The following ARFGEF3 variants were observed in gnomAD, a reference collection of about 807,000 sequenced individuals.
ARFGEF3 encodes the protein brefeldin A-inhibited guanine nucleotide-exchange protein 3.
ARFGEF3 carries 96 observed loss-of-function variants against 221.7 expected under a neutral mutation model. That is an observed-to-expected ratio of 0.43 (90% CI 0.37 to 0.51). The LOEUF (loss-of-function observed/expected upper bound fraction) is 0.51. Among genes scored for constraint, ARFGEF3 ranks in the 20% least tolerant of loss-of-function variants. The pLI is 0.00. For missense variants in ARFGEF3, 2,410 were observed against 2,789.9 expected (o/e 0.86, Z 3.07); for synonymous variants, 1,145 against 1,126.8 (o/e 1.02, Z -0.32).
chr6:138,308,642 AT>A (rs1175306686), intron 23 of ARFGEF3, 96 bp from the exon 24 acceptor site: 5 of 1,329,686 alleles, frequency 3.8e-6, no homozygotes, highest in Non-Finnish European at 4.2e-6. Flanking sequence ...CTTTCTCAAG[AT>A]CTGTCTCAGT....
At chr6:138,236,627 C>A (rs571045418) in intron 5 of ARFGEF3, among the ~76,000 whole-genome samples, 1 of 152,064 alleles carries the variant, frequency 6.6e-6, no homozygotes, top group Non-Finnish European at 1.5e-5. Context: ...CCACCATGCC[C>A]GGCTAATTTG....
intron 4 of ARFGEF3, among the ~76,000 whole-genome samples, chr6:138,211,282 G>T (rs9376332): frequency 0.082 from 12,459 of 152,290 alleles, 817 homozygotes; most frequent in East Asian, 0.36. Context: ...GAGTAGGAAT[G>T]TGCAGCTTTC....
At chr6:138,306,298 TGAGA>T (rs540538333) in intron 22 of ARFGEF3, among the ~76,000 whole-genome samples, 2 of 152,130 alleles carry the variant, frequency 1.3e-5, no homozygotes, top group Non-Finnish European at 2.9e-5. Context: ...AAAACATTGC[TGAGA>T]GAAATTAAAG....
chr6:138,171,673 A>C (rs914774612), intron 2 of ARFGEF3, among the ~76,000 whole-genome samples: 3 of 152,234 alleles, frequency 2.0e-5, no homozygotes, highest in Non-Finnish European at 4.4e-5. Context: ...CACTGATAAC[A>C]GTTTAATAGA....
At chr6:138,318,007 A>C (rs941191575) in intron 27 of ARFGEF3, among the ~76,000 whole-genome samples, 2 of 152,204 alleles carry the variant, frequency 1.3e-5, no homozygotes, top group Admixed American at 1.3e-4. Context: ...AAGATCAAAG[A>C]AACTTTTTTA....
At chr6:138,165,143 G>A (rs947939262) in intron 1 of ARFGEF3, among the ~76,000 whole-genome samples, 1 of 146,218 alleles carries the variant, frequency 6.8e-6, no homozygotes, top group East Asian at 2.1e-4. Context: ...GAGAGAGGGG[G>A]CATCCCCGTC....
chr6:138,260,492 C>T (rs1441771209), intron 10 of ARFGEF3, among the ~76,000 whole-genome samples: 1 of 152,026 alleles, frequency 6.6e-6, no homozygotes, highest in Admixed American at 6.5e-5. Flanking sequence ...TAGAAATGAA[C>T]AATTATGAAC....
chr6:138,278,685 T>G (rs2114616435), intron 13 of ARFGEF3, 68 bp downstream of exon 13: 1 of 1,544,216 alleles, frequency 6.5e-7, no homozygotes, highest in Non-Finnish European at 8.8e-7. Context: ...CAGCCTAGCC[T>G]CAGTGCCCTG....
intron 17 of ARFGEF3, among the ~76,000 whole-genome samples, chr6:138,289,232 T>A (rs1160102219): frequency 1.3e-5 from 2 of 152,222 alleles, no homozygotes; most frequent in African/African-American, 4.8e-5. Flanking sequence ...GGATTACAGA[T>A]GTGAGCCACC....
intron 15 of ARFGEF3, 149 bp downstream of exon 15, chr6:138,286,202 G>A (rs1458013257): frequency 3.3e-6 from 2 of 598,502 alleles, no homozygotes; most frequent in Non-Finnish European, 6.0e-6. Context: ...TGTAATCCCA[G>A]CACTTTGGGA....
chr6:138,285,411 G>A (rs1369941391), intron 14 of ARFGEF3, among the ~76,000 whole-genome samples: 3 of 148,446 alleles, frequency 2.0e-5, no homozygotes, highest in Non-Finnish European at 3.0e-5. Context: ...CCGAGATCAC[G>A]CCACTGCACT....
chr6:138,257,935 G>A (rs142775166), intron 10 of ARFGEF3, among the ~76,000 whole-genome samples: 2 of 152,300 alleles, frequency 1.3e-5, no homozygotes, highest in Non-Finnish European at 2.9e-5. Flanking sequence ...TGTACTTATT[G>A]CTATTCTAAG....
intron 2 of ARFGEF3, among the ~76,000 whole-genome samples, chr6:138,171,978 G>A (rs1776844628): frequency 6.6e-6 from 1 of 152,054 alleles, no homozygotes; most frequent in Admixed American, 6.5e-5. Flanking sequence ...TGGTTTCTAT[G>A]TTCTCAGGAT....
intron 16 of ARFGEF3, 40 bp downstream of exon 16, chr6:138,286,956 G>T (rs1399776488): frequency 6.2e-7 from 1 of 1,604,904 alleles, no homozygotes; most frequent in South Asian, 1.1e-5. Context: ...TGGTCCTGCA[G>T]AACTCACTGG....
intron 21 of ARFGEF3, 79 bp downstream of exon 21, chr6:138,297,034 T>C (rs1779538516): frequency 1.3e-6 from 2 of 1,482,976 alleles, no homozygotes; most frequent in African/African-American, 1.4e-5. Context: ...CCTGCAGTCA[T>C]GTATGGGGGC....
intron 12 of ARFGEF3, among the ~76,000 whole-genome samples, chr6:138,276,837 T>G (rs1045975499): frequency 6.6e-6 from 1 of 152,160 alleles, no homozygotes; most frequent in Non-Finnish European, 1.5e-5. Context: ...GGCTAATTTT[T>G]GTATTTTTAG....
intron 4 of ARFGEF3, among the ~76,000 whole-genome samples, chr6:138,214,120 C>T (rs1001591512): frequency 3.9e-5 from 6 of 152,140 alleles, no homozygotes; most frequent in African/African-American, 1.4e-4. Flanking sequence ...TCTTATAATT[C>T]GGTAATACTT....
At chr6:138,195,903 C>T (rs1014799885) in intron 2 of ARFGEF3, among the ~76,000 whole-genome samples, 3 of 149,840 alleles carry the variant, frequency 2.0e-5, no homozygotes, top group African/African-American at 2.5e-5. Flanking sequence ...CAGCATTTCA[C>T]GGCAGGAAGT....
intron 12 of ARFGEF3, among the ~76,000 whole-genome samples, chr6:138,266,736 C>T (rs1432391157): frequency 6.6e-6 from 1 of 150,584 alleles, no homozygotes; most frequent in African/African-American, 2.5e-5. Flanking sequence ...GTAGTCCCAG[C>T]TACTTGGGAG....
Sources: gnomAD v4.1 joint callset for allele counts (sites outside exome capture counted in the v4.1 genomes callset) on GRCh38, gnomAD v4.1.1 for gene constraint, MANE v1.5 for transcripts, NCBI Gene and HGNC (gene_info 2026-07-23, HGNC 2026-07-21) for gene names.